PARD3B: variants seen among roughly 807,000 people sequenced by gnomAD.
PARD3B encodes par-3 family cell polarity regulator beta.
A neutral mutation model predicts 130.2 loss-of-function variants in PARD3B; 103 were observed. The observed-to-expected ratio is 0.79, with a 90% CI of 0.67 to 0.93. The LOEUF (loss-of-function observed/expected upper bound fraction) is 0.93, where lower values mean the gene tolerates loss of function less well. PARD3B is among the 40% of genes least tolerant of loss of function. The pLI is 0.00. For synonymous variants in PARD3B, 583 were observed against 553.2 expected, an observed-to-expected ratio of 1.05 and a Z score of -0.76; for missense variants, 1,609 against 1,499.2, an observed-to-expected ratio of 1.07 and a Z score of -1.21.
chr2:204,551,993 T>G (rs1369965320), intron 1 of PARD3B, among the ~76,000 whole-genome samples: 1 of 152,214 alleles, frequency 6.6e-6, no homozygotes, highest in Non-Finnish European at 1.5e-5. Flanking sequence ...CATATGTGGT[T>G]GTTAAGTAGT....
At chr2:205,167,517 A>G (rs1452819095) in intron 11 of PARD3B, among the ~76,000 whole-genome samples, 3 of 152,290 alleles carry the variant, frequency 2.0e-5, no homozygotes, top group South Asian at 4.1e-4. Flanking sequence ...TTTTAGAAAC[A>G]TGACTTGTAA....
chr2:205,009,921 A>G (rs1406831009), intron 3 of PARD3B, among the ~76,000 whole-genome samples: 1 of 152,164 alleles, frequency 6.6e-6, no homozygotes, highest in African/African-American at 2.4e-5. Context: ...TTAGCCAGGC[A>G]TTGTGCTAAA....
intron 21 of PARD3B, among the ~76,000 whole-genome samples, chr2:205,514,009 C>A (rs1432164059): frequency 6.6e-6 from 1 of 152,008 alleles, no homozygotes; most frequent in East Asian, 1.9e-4. Context: ...AAACAATTGC[C>A]CTTTGTAATT....
At chr2:205,201,889 C>G (rs1474664840) in intron 15 of PARD3B, among the ~76,000 whole-genome samples, 1 of 152,080 alleles carries the variant, frequency 6.6e-6, no homozygotes, top group East Asian at 1.9e-4. Context: ...TATGTTTTAA[C>G]TACATAACTG....
At chr2:204,646,571 AC>A (rs765215755) in intron 1 of PARD3B, among the ~76,000 whole-genome samples, 88 of 152,150 alleles carry the variant, frequency 5.8e-4, no homozygotes, top group Non-Finnish European at 1.0e-3. Context: ...GCTATTGTGA[AC>A]AGGGTTGTGA....
intron 2 of PARD3B, among the ~76,000 whole-genome samples, chr2:204,929,599 G>A (rs1204184529): frequency 6.6e-6 from 1 of 151,840 alleles, no homozygotes; most frequent in East Asian, 1.9e-4. Flanking sequence ...GTTTGAAGAA[G>A]TTTCAATAAA....
rs139296597 is a variant in PARD3B, at chr2:204,705,419, A to C, written c.222+19137A>C. Among the ~76,000 whole-genome samples the C allele has an allele frequency of 2.4e-3, 371 of 152,304 alleles. 1 individual carries two copies. The highest frequency in any genetic ancestry group is 4.3e-3 in the Non-Finnish European group (291 of 68,026). ...GTTGGAGGCAAAGGCATTTTAAATC[A>C]ATCAGTTAAAGGAGGCTCTTCTAAG... is the stretch of plus-strand genomic sequence containing the variant. On this transcript the variant is annotated intron_variant, in intron 2 of 22. Coordinates refer to ENST00000406610, the MANE Select transcript of PARD3B (RefSeq NM_001302769.2).
chr2:204,839,037 T>C (rs1004963813), intron 2 of PARD3B, among the ~76,000 whole-genome samples: 5 of 152,214 alleles, frequency 3.3e-5, no homozygotes, highest in African/African-American at 9.6e-5. Flanking sequence ...CAAAGTAAGC[T>C]AGATGTTGAT....
At chr2:205,484,786 C>T (rs1398897007) in intron 20 of PARD3B, among the ~76,000 whole-genome samples, 1 of 152,084 alleles carries the variant, frequency 6.6e-6, no homozygotes, top group Non-Finnish European at 1.5e-5. Flanking sequence ...CTCAATTATT[C>T]CCCACACATG....
intron 2 of PARD3B, among the ~76,000 whole-genome samples, chr2:204,827,614 G>A (rs191725155): frequency 3.3e-5 from 5 of 152,254 alleles, no homozygotes; most frequent in Admixed American, 6.5e-5. Flanking sequence ...TTGACATGTG[G>A]AAGAACAGTG....
Position 205,125,909 on chromosome 2 carries a change from A to G in PARD3B, c.1434+172A>G, listed in dbSNP as rs567412532. Among the ~76,000 whole-genome samples the G allele has an allele frequency of 2.6e-5, 4 of 152,352 alleles. No individual in the cohort carries two copies. The highest frequency in any genetic ancestry group is 2.1e-4 in the South Asian group (1 of 4,832). On this transcript the variant is annotated intron_variant, in intron 10 of 22. Transcript: ENST00000406610. This position sits in a 1 kb window ranked among gnomAD's most constrained non-coding sequence, Gnocchi z 4.0. ...GGGGTATCGCATTTTTAAAACATTG[A>G]TACAGCCAGTGGGTATATGTAAACA...
chr2:205,438,323 A>T (rs781750855), intron 19 of PARD3B, among the ~76,000 whole-genome samples: 1 of 152,186 alleles, frequency 6.6e-6, no homozygotes, highest in Non-Finnish European at 1.5e-5. Flanking sequence ...CACAGATACC[A>T]GTGTTCTATT....
At position 205,264,114 on chromosome 2, in the gene PARD3B, TAGAA is replaced by T. The variant is rs145048672; in HGVS notation, c.2185+18297_2185+18300del. Among the ~76,000 whole-genome samples, 129 of 150,980 alleles carry T rather than the reference TAGAA, an allele frequency of 8.5e-4. 3 individuals are homozygous for T. Among genetic ancestry groups the T allele is most frequent in the African/African-American group, 3.0e-3 (122 of 41,172 alleles). On this transcript the variant is annotated intron_variant, in intron 16 of 22. Transcript: ENST00000406610. ...ATCAGAAGAAAGGTAGTGCCTTTAATAGAAAGAATCATGAAGAAGGGTCAAGTTA... is the reference window on the plus strand; with the variant it reads ...ATCAGAAGAAAGGTAGTGCCTTTAATAGAATCATGAAGAAGGGTCAAGTTA...
At chr2:204,923,819 T>C (rs2047774835) in intron 2 of PARD3B, among the ~76,000 whole-genome samples, 1 of 152,066 alleles carries the variant, frequency 6.6e-6, no homozygotes, top group Non-Finnish European at 1.5e-5. Context: ...TTATTGATAA[T>C]TTTTATACAC....
intron 15 of PARD3B, among the ~76,000 whole-genome samples, chr2:205,228,067 AGTT>A (rs1428547788): frequency 2.6e-5 from 4 of 152,166 alleles, no homozygotes; most frequent in Non-Finnish European, 4.4e-5. Context: ...TGTCTTAAAA[AGTT>A]GTTGTAGTTA....
At chr2:204,802,962 C>T (rs910968125) in intron 2 of PARD3B, among the ~76,000 whole-genome samples, 1 of 150,462 alleles carries the variant, frequency 6.6e-6, no homozygotes, top group African/African-American at 2.5e-5. Context: ...ACGTTCTGCA[C>T]ATGCATCCCA....
At chr2:204,609,493 A>T (rs1461295123) in intron 1 of PARD3B, among the ~76,000 whole-genome samples, 1 of 152,192 alleles carries the variant, frequency 6.6e-6, no homozygotes, top group Admixed American at 6.5e-5. Context: ...AAATTAATAT[A>T]TGGAAGATGT....
intron 2 of PARD3B, among the ~76,000 whole-genome samples, chr2:204,947,612 C>CT (rs1220176683): frequency 8.0e-6 from 1 of 124,980 alleles, no homozygotes; most frequent in African/African-American, 3.0e-5. Flanking sequence ...TCCTTGTTTA[C>CT]TTATTAACTA....
chr2:204,563,842 C>T (rs183302229), intron 1 of PARD3B, among the ~76,000 whole-genome samples: 406 of 152,230 alleles, frequency 2.7e-3, no homozygotes, highest in Non-Finnish European at 5.0e-3. Flanking sequence ...GGCGCTATGT[C>T]GGCTCACTGC....
Sources: allele counts gnomAD v4.1 joint callset (sites outside exome capture counted in the v4.1 genomes callset), GRCh38; gene constraint gnomAD v4.1.1; non-coding constraint Gnocchi (gnomAD v3.1); transcripts MANE v1.5; gene names NCBI Gene and HGNC (gene_info 2026-07-23, HGNC 2026-07-21).